Variants in LETM1 observed in about 807,000 individuals in gnomAD.
The protein encoded by LETM1 is mitochondrial proton/calcium exchanger protein.
Under a neutral mutation model 74.5 loss-of-function variants are expected in LETM1, and 50 were observed. That is an observed-to-expected ratio of 0.67 (90% CI 0.53 to 0.85). LETM1 has a LOEUF of 0.85. Ranked by LOEUF, LETM1 falls within the 40% of genes least tolerant of loss-of-function variation. The probability of loss-of-function intolerance (pLI) is 0.00; values close to 1 mark genes in which losing one functional copy is unlikely to be tolerated. For synonymous variants in LETM1, 446 were observed against 407.1 expected (o/e 1.10, Z -1.15); for missense variants, 824 against 967.8 (o/e 0.85, Z 1.97).
intron 2 of LETM1, among the ~76,000 whole-genome samples, chr4:1,846,904 G>A (rs1712899621): frequency 6.6e-6 from 1 of 152,096 alleles, no homozygotes; most frequent in Admixed American, 6.6e-5. Flanking sequence ...ACAGGAAAGG[G>A]GCCAGATACA....
At chr4:1,832,258 C>G (rs554027537) in intron 6 of LETM1, among the ~76,000 whole-genome samples, 1 of 151,898 alleles carries the variant, frequency 6.6e-6, no homozygotes, top group African/African-American at 2.4e-5. Flanking sequence ...GTCGAGATCT[C>G]GCCACTGCAC....
intron 6 of LETM1, among the ~76,000 whole-genome samples, chr4:1,829,529 T>A (rs1209678791): frequency 1.3e-5 from 2 of 152,242 alleles, no homozygotes; most frequent in Non-Finnish European, 2.9e-5. Context: ...AAGATGCCGT[T>A]CTTGGCCAGG....
intron 11 of LETM1, 111 bp from the exon 12 acceptor site, chr4:1,817,025 C>T: frequency 1.2e-6 from 1 of 853,112 alleles, no homozygotes. Flanking sequence ...GCGGGCGGAT[C>T]ACCTGAGGTT....
chr4:1,832,830 G>A lies in LETM1; in HGVS notation c.994C>T (p.Leu332=). The A allele has an allele frequency of 6.2e-7, 1 of 1,614,194 alleles. No homozygotes were observed. The highest frequency in any genetic ancestry group is 1.3e-5 in the African/African-American group (1 of 75,048). The change falls in exon 6 of 14, where the codon CTG becomes TTG. Residue 332 remains leucine, a synonymous_variant. Transcript: ENST00000302787. ...GTGCCGATGGACTGTAGCTCCAGCA[G>A]CTTGCACAGGGCCACCAGCTGCGGC... ...TRPQLVALCK[L]LELQSIGTNN...
At chr4:1,838,703 G>C (rs1002693516) in intron 3 of LETM1, among the ~76,000 whole-genome samples, 4 of 152,074 alleles carry the variant, frequency 2.6e-5, no homozygotes, top group African/African-American at 9.7e-5. Flanking sequence ...TAAATAAATA[G>C]TAGAGCCACA....
rs529341957 is a variant in LETM1, at chr4:1,834,674, G to T, written c.876+171C>A. 10 of 1,446,722 alleles carry T rather than the reference G, an allele frequency of 6.9e-6. No individual in the cohort carries two copies. The highest frequency in any genetic ancestry group is 8.2e-6 in the Non-Finnish European group (9 of 1,104,268). The allele number at this position is 1,446,722 out of a possible 1,614,324, so 89.6% of individuals were successfully genotyped here. A position where few individuals can be genotyped will look rare whatever the true frequency, so the allele number is the denominator to read the frequency against. On this transcript the variant is annotated intron_variant, in intron 5 of 13. Transcript: ENST00000302787. This position sits in a 1 kb window ranked among gnomAD's most constrained non-coding sequence, Gnocchi z 5.0. ...ACAGCTTAACTCACTGGGAGCTCGTGGGGGCAGACTCCTGACACTCCACTG... is the reference window on the plus strand; with the variant it reads ...ACAGCTTAACTCACTGGGAGCTCGTTGGGGCAGACTCCTGACACTCCACTG...
chr4:1,816,971 T>A (rs1711589004), intron 11 of LETM1, 57 bp from the exon 12 acceptor site: 21 of 1,443,012 alleles, frequency 1.5e-5, no homozygotes, highest in Non-Finnish European at 1.9e-5. Context: ...GGGGGTCAGG[T>A]GTAGTGGCTC....
Position 1,841,664 on chromosome 4 carries a change from C to T in LETM1, c.277G>A (p.Val93Met). ...VSRAPWTSTS[V>M]GFVAVGPQCL... Reference sequence around the variant, plus strand: ...TGAGGTCCCACAGCCACAAAACCCACAGAGGTAGAGGTCCATGGCGCTCTC... The same window carrying T: ...TGAGGTCCCACAGCCACAAAACCCATAGAGGTAGAGGTCCATGGCGCTCTC... Residue 93 changes from valine (V) to methionine (M), a missense_variant, in exon 3 of 14, where the codon GTG becomes ATG. By Grantham distance (21) the Val-to-Met change is conservative. Coordinates refer to ENST00000302787, the MANE Select transcript of LETM1 (RefSeq NM_012318.3). 1.2e-6 allele frequency: 2 copies of T among 1,614,242 alleles called. No individual in the cohort carries two copies. The highest frequency in any genetic ancestry group is 2.7e-5 in the African/African-American group (2 of 75,062).
intron 1 of LETM1, among the ~76,000 whole-genome samples, chr4:1,849,795 G>T (rs1245487232): frequency 6.6e-6 from 1 of 152,184 alleles, no homozygotes; most frequent in Non-Finnish European, 1.5e-5. Context: ...CGACCCTCCT[G>T]CATTGGTCTC....
intron 2 of LETM1, chr4:1,846,718 G>C (rs955835650): frequency 5.9e-5 from 9 of 152,148 alleles, no homozygotes; most frequent in African/African-American, 1.9e-4. Flanking sequence ...TGTATTTTCT[G>C]CTATTGTGAT....
At chr4:1,828,374 G>A (rs1577316148) in intron 6 of LETM1, among the ~76,000 whole-genome samples, 2 of 120,492 alleles carry the variant, frequency 1.7e-5, no homozygotes, top group African/African-American at 7.0e-5. Flanking sequence ...GCCGGGCGGG[G>A]GGCTGACACC....
In LETM1 at chr4:1,819,338, C is replaced by T; in HGVS notation, c.1743G>A (p.Glu581=). The T allele has an allele frequency of 6.2e-7, 1 of 1,607,100 alleles. No homozygotes were observed. Among genetic ancestry groups the T allele is most frequent in the Non-Finnish European group, 8.5e-7 (1 of 1,177,582 alleles). The change falls in exon 11 of 14, where the codon GAG becomes GAA. Residue 581 remains glutamate, a splice_region_variant and synonymous_variant. Transcript: ENST00000302787. ...AGTCCAGGGAGCAAATCCCACCCAC[C>T]TCGCTGTAGTCCTGCACATCCTCCT... The part of the protein sequence containing the change: ...LLKEDVQDYS[E]DLQEIKKELS...
chr4:1,818,544 C>T (rs969140722), intron 11 of LETM1, among the ~76,000 whole-genome samples: 25 of 151,514 alleles, frequency 1.7e-4, no homozygotes, highest in African/African-American at 5.1e-4. Flanking sequence ...ACCCAGGAGG[C>T]GGAAGTTGCA....
At chr4:1,851,624 C>T (rs28612132) in intron 1 of LETM1, among the ~76,000 whole-genome samples, 1 of 152,188 alleles carries the variant, frequency 6.6e-6, no homozygotes, top group Non-Finnish European at 1.5e-5. Flanking sequence ...GCACAGCACA[C>T]GTGAGCATGC....
intron 10 of LETM1, 34 bp from the exon 11 acceptor site, chr4:1,819,506 G>A (rs1241224523): frequency 6.3e-7 from 1 of 1,597,890 alleles, no homozygotes; most frequent in Non-Finnish European, 8.5e-7. Context: ...CAAAGCCTGA[G>A]CCAAGGGAAA....
chr4:1,843,898 C>T (rs896364217), intron 2 of LETM1, among the ~76,000 whole-genome samples: 3 of 152,200 alleles, frequency 2.0e-5, no homozygotes, highest in African/African-American at 7.2e-5. Context: ...GCTCAGACTG[C>T]CCCCTGGCCA....
chr4:1,823,510 A>C (rs1577312855), intron 8 of LETM1, 134 bp downstream of exon 8: 104 of 907,262 alleles, frequency 1.1e-4, no homozygotes, highest in Middle Eastern at 3.5e-4. Flanking sequence ...GGGTGGGGGC[A>C]CTCGCGAGGG....
At chr4:1,820,917 G>A (rs34473483) in intron 10 of LETM1, among the ~76,000 whole-genome samples, 6 of 151,884 alleles carry the variant, frequency 4.0e-5, no homozygotes, top group Non-Finnish European at 7.4e-5. Context: ...CCAGCTACTC[G>A]GGAGGCTGAG....
At chr4:1,817,232 G>A (rs1164718761) in intron 11 of LETM1, among the ~76,000 whole-genome samples, 10 of 125,050 alleles carry the variant, frequency 8.0e-5, no homozygotes, top group South Asian at 2.8e-4. Context: ...GCAACAGAGC[G>A]AGACTCTGTC....
Sources: allele counts gnomAD v4.1 joint callset (sites outside exome capture counted in the v4.1 genomes callset), GRCh38; gene constraint gnomAD v4.1.1; non-coding constraint Gnocchi (gnomAD v3.1); transcripts MANE v1.5; gene names NCBI Gene and HGNC (gene_info 2026-07-23, HGNC 2026-07-21).